The following TNFRSF8 variants were observed in gnomAD, a reference collection of about 807,000 sequenced individuals.
TNFRSF8 encodes tumor necrosis factor receptor superfamily member 8.
Under a neutral mutation model 70.8 loss-of-function variants are expected in TNFRSF8, and 26 were observed. That is an observed-to-expected ratio of 0.37 (90% confidence interval 0.27 to 0.51). The LOEUF (loss-of-function observed/expected upper bound fraction) is 0.51. TNFRSF8 is among the 20% of genes least tolerant of loss of function. The pLI is 0.94. For synonymous variants in TNFRSF8, 356 were observed against 339.2 expected (o/e 1.05, Z -0.54); for missense variants, 720 against 807.9 (o/e 0.89, Z 1.32).
chr1:12,095,922 T>C (rs1156787581), intron 2 of TNFRSF8, among the ~76,000 whole-genome samples: 2 of 152,242 alleles, frequency 1.3e-5, no homozygotes, highest in African/African-American at 4.8e-5. Flanking sequence ...ACCTCCTTCT[T>C]AGGCAAGTCC....
At chr1:12,091,807 G>A (rs1323407607) in intron 2 of TNFRSF8, among the ~76,000 whole-genome samples, 1 of 152,212 alleles carries the variant, frequency 6.6e-6, no homozygotes, top group South Asian at 2.1e-4. Flanking sequence ...ATGAAGGGGG[G>A]TCAGGGATGG....
Position 12,097,145 on chromosome 1 carries a change from A to G in TNFRSF8, c.196A>G (p.Arg66Gly), listed in dbSNP as rs140742107. The change falls in exon 3 of 15, where the codon AGG (arginine) becomes GGG (glycine). Residue 66 changes from arginine (R) to glycine (G), a missense_variant. By Grantham distance (125) the Arg-to-Gly change is moderately radical. Coordinates refer to ENST00000263932, the MANE Select transcript of TNFRSF8 (RefSeq NM_001243.5). ...QQCPQRPTDC[R>G]KQCEPDYYLD... ...GTGCCCACAGAGGCCTACTGACTGC[A>G]GGAAGCAGTGTGAGCCTGACTACTA... 1.2e-6 allele frequency: 2 copies of G among 1,614,102 alleles called. No individual in the cohort carries two copies. The highest frequency in any genetic ancestry group is 4.5e-5 in the East Asian group (2 of 44,880).
In TNFRSF8 at chr1:12,123,864, G is replaced by A. The variant is rs550964690; in HGVS notation, c.1153+37G>A. On this transcript the variant is annotated intron_variant, in intron 10 of 14. Transcript: ENST00000263932. Reference sequence around the variant, plus strand: ...AGCCCACTCACCCCTACTCCCAGCAGGGGCTTCCTCCTGGGGAAGTGTGGA... The same window carrying A: ...AGCCCACTCACCCCTACTCCCAGCAAGGGCTTCCTCCTGGGGAAGTGTGGA... 44 of 1,518,432 alleles carry A rather than the reference G, an allele frequency of 2.9e-5. 1 individual carries two copies. The South Asian group carries it at 4.6e-4, about 16-fold the overall frequency. 94.1% of individuals were successfully genotyped at this position (1,518,432 alleles called of 1,614,324 possible). A position where few individuals can be genotyped will look rare whatever the true frequency, so the allele number is the denominator to read the frequency against.
At chr1:12,121,722 C>G (rs1377711979) in intron 8 of TNFRSF8, among the ~76,000 whole-genome samples, 3 of 152,198 alleles carry the variant, frequency 2.0e-5, no homozygotes, top group Non-Finnish European at 2.9e-5. Context: ...ATCCAGCCAC[C>G]CTTCCTAGGC....
chr1:12,111,866 C>T (rs1641637945), intron 6 of TNFRSF8, 32 bp from the exon 7 acceptor site: 1 of 1,600,864 alleles, frequency 6.2e-7, no homozygotes, highest in Non-Finnish European at 8.6e-7. Context: ...CCAAGGCGGC[C>T]TGGCCTGCAG....
chr1:12,109,970 T>C lies in TNFRSF8; in HGVS notation c.513-71T>C. 1 of 1,546,102 alleles carries C rather than the reference T, an allele frequency of 6.5e-7. No homozygotes were observed. The highest frequency in any genetic ancestry group is 8.8e-7 in the Non-Finnish European group (1 of 1,139,332). On this transcript the variant is annotated intron_variant, in intron 5 of 14. Transcript: ENST00000263932. The surrounding 1 kb of genome is among the most constrained non-coding windows in gnomAD (Gnocchi z 4.4). The stretch of plus-strand genomic sequence containing the variant: ...TGGGACCCCATCTCTGTGGAAACTG[T>C]TACTCGTGAGCACAGGCCTCCCTTG...
At chr1:12,077,546 A>T (rs11569805) in intron 1 of TNFRSF8, among the ~76,000 whole-genome samples, 1 of 152,034 alleles carries the variant, frequency 6.6e-6, no homozygotes, top group Non-Finnish European at 1.5e-5. Context: ...CAAGGAACTG[A>T]ATTCTGCCAA....
chr1:12,102,020 T>C (rs1351039387), intron 3 of TNFRSF8, among the ~76,000 whole-genome samples: 2 of 152,320 alleles, frequency 1.3e-5, no homozygotes, highest in East Asian at 1.9e-4. Context: ...CCATCCATTG[T>C]TGACTGAAAT....
At position 12,121,695 on chromosome 1, in the gene TNFRSF8, G is replaced by A. The variant is rs116632878; in HGVS notation, c.947-1589G>A. Among the ~76,000 whole-genome samples, 565 of 152,270 alleles carry A rather than the reference G, an allele frequency of 3.7e-3. 8 individuals are homozygous for A. Among genetic ancestry groups the A allele is most frequent in the African/African-American group, 0.013 (533 of 41,548 alleles). ...ATGAACTGGCCTTCAGAGACATTCCGTCTGGCCAGCATAGCAATCCAGCCA... is the reference window on the plus strand; with the variant it reads ...ATGAACTGGCCTTCAGAGACATTCCATCTGGCCAGCATAGCAATCCAGCCA... On this transcript the variant is annotated intron_variant, in intron 8 of 14. Transcript: ENST00000263932.
chr1:12,084,157 AG>A (rs1378479052), intron 1 of TNFRSF8, among the ~76,000 whole-genome samples: 3 of 152,172 alleles, frequency 2.0e-5, no homozygotes, highest in Admixed American at 2.0e-4. Flanking sequence ...TGTTAATCCC[AG>A]GGCAAGGGGA....
intron 1 of TNFRSF8, among the ~76,000 whole-genome samples, chr1:12,073,396 G>A (rs139153061): frequency 1.7e-4 from 26 of 152,014 alleles, no homozygotes; most frequent in African/African-American, 5.8e-4. Context: ...GCTGGGCCCC[G>A]CTTCCTTTTC....
chr1:12,074,523 G>A (rs775000892), intron 1 of TNFRSF8, among the ~76,000 whole-genome samples: 1 of 151,832 alleles, frequency 6.6e-6, no homozygotes, highest in South Asian at 2.1e-4. Flanking sequence ...CAAGTGATCC[G>A]CCCGCCTCGG....
In TNFRSF8 at chr1:12,084,298, A is replaced by AG. The variant is rs1413609353; in HGVS notation, c.64-161dup. ...AGTTTCTGGCCTGAGCTGGAGTAGC[A>AG]GGGGGAAGCGTAAGGGCGGTGTGGG... On this transcript the variant is annotated intron_variant, in intron 1 of 14. Coordinates refer to ENST00000263932, the MANE Select transcript of TNFRSF8 (RefSeq NM_001243.5). Among the ~76,000 whole-genome samples the AG allele has an allele frequency of 3.9e-5, 6 of 152,244 alleles. No individual in the cohort carries two copies. The South Asian group carries it at 1.2e-3, about 32-fold the overall frequency.
chr1:12,094,900 A>G (rs1641306621), intron 2 of TNFRSF8, among the ~76,000 whole-genome samples: 1 of 152,098 alleles, frequency 6.6e-6, no homozygotes, highest in African/African-American at 2.4e-5. Flanking sequence ...TGCTGGGATT[A>G]CAGGTTTGAC....
intron 7 of TNFRSF8, among the ~76,000 whole-genome samples, chr1:12,114,271 A>G (rs1296119309): frequency 1.3e-5 from 2 of 152,204 alleles, no homozygotes; most frequent in Admixed American, 1.3e-4. Flanking sequence ...AATTGAATAC[A>G]TGATTGTAGG....
chr1:12,114,958 C>T (rs888227395), intron 7 of TNFRSF8, among the ~76,000 whole-genome samples: 3 of 152,030 alleles, frequency 2.0e-5, no homozygotes, highest in South Asian at 2.1e-4. Flanking sequence ...CTGCCTGCCT[C>T]GGCCTCCCAA....
intron 12 of TNFRSF8, among the ~76,000 whole-genome samples, chr1:12,127,841 G>A (rs1249110144): frequency 5.3e-5 from 8 of 151,980 alleles, no homozygotes; most frequent in Admixed American, 5.2e-4. Flanking sequence ...TTTTGTTACA[G>A]AAGAAAAAAA....
rs894619498 is a variant in TNFRSF8 at position 12,140,048 on chromosome 1, A to G, written c.1543+1612A>G. ...CATCAAAGGCTTCTTCAGAATTCCT[A>G]AGAAGTCCTAACTGGAACTTCTGAG... On this transcript the variant is annotated intron_variant, in intron 14 of 14. Transcript: ENST00000263932. Among the ~76,000 whole-genome samples, 3 of 152,252 alleles carry G rather than the reference A, an allele frequency of 2.0e-5. No individual in the cohort carries two copies. In the South Asian group the frequency reaches 6.2e-4, roughly 31 times the overall value.
At position 12,063,522 on chromosome 1, in the gene TNFRSF8, G is replaced by T; in HGVS notation, c.-77G>T. 8.0e-7 allele frequency: 1 copy of T among 1,252,256 alleles called. No homozygotes were observed. The highest frequency in any genetic ancestry group is 2.4e-5 in the South Asian group (1 of 41,244). 77.6% of individuals were successfully genotyped at this position (1,252,256 alleles called of 1,614,324 possible). A position where few individuals can be genotyped will look rare whatever the true frequency, so the allele number is the denominator to read the frequency against. Reference sequence around the variant, plus strand: ...CGCGCGGCTGAGAACCGCCGGGACCGCACGTGGGCGCCGCGCGCTTCCCCC... The same window carrying T: ...CGCGCGGCTGAGAACCGCCGGGACCTCACGTGGGCGCCGCGCGCTTCCCCC... On this transcript the variant is annotated 5_prime_UTR_variant, in exon 1 of 15. Coordinates refer to ENST00000263932, the MANE Select transcript of TNFRSF8 (RefSeq NM_001243.5). This position sits in a 1 kb window ranked among gnomAD's most constrained non-coding sequence, Gnocchi z 7.2.
Sources: gnomAD v4.1 joint callset for allele counts (sites outside exome capture counted in the v4.1 genomes callset) on GRCh38, gnomAD v4.1.1 for gene constraint, Gnocchi (gnomAD v3.1) non-coding constraint, MANE v1.5 for transcripts, NCBI Gene and HGNC (gene_info 2026-07-23, HGNC 2026-07-21) for gene names.